The following EYS variants were observed in gnomAD, a reference collection of about 807,000 sequenced individuals.
EYS encodes EGF-like photoreceptor maintenance factor, also known as protein eyes shut homolog.
A neutral mutation model predicts 282.1 loss-of-function variants in EYS; 250 were observed. That is an observed-to-expected ratio of 0.89 (90% confidence interval 0.80 to 0.98). EYS has a LOEUF of 0.98. Ranked by LOEUF, EYS falls within the 50% of genes least tolerant of loss-of-function variation. The pLI, the probability that EYS is intolerant of heterozygous loss-of-function variation, is 0.00. For missense variants in EYS, 4,016 were observed against 3,709.0 expected (o/e 1.08, Z -2.15); for synonymous variants, 1,355 against 1,282.9 (o/e 1.06, Z -1.20).
intron 12 of EYS, among the ~76,000 whole-genome samples, chr6:65,191,603 T>C (rs1242942054): frequency 6.6e-6 from 1 of 151,782 alleles, no homozygotes; most frequent in African/African-American, 2.4e-5. Flanking sequence ...TTCACGGCAA[T>C]CAGCTAAACC....
chr6:65,029,041 T>G (rs1241478705), intron 13 of EYS, among the ~76,000 whole-genome samples: 1 of 152,158 alleles, frequency 6.6e-6, no homozygotes, highest in East Asian at 1.9e-4. Flanking sequence ...CTGCTGAAAT[T>G]TCCTCCTACT....
rs112934915 is a variant in EYS, at chr6:65,413,980, AT to A, written c.863-8614del. On this transcript the variant is annotated intron_variant, in intron 5 of 42. Coordinates refer to ENST00000503581, the MANE Select transcript of EYS (RefSeq NM_001142800.2). ...TTTGTGTATATAATTTGTTGCCTTCATTTAAATATAAGCTCTACTTGGGCAG... is the reference window on the plus strand; with the variant it reads ...TTTGTGTATATAATTTGTTGCCTTCATTAAATATAAGCTCTACTTGGGCAG... 2.8e-3 allele frequency among the ~76,000 whole-genome samples: 421 copies of A among 152,268 alleles called. 1 individual carries two copies. Among genetic ancestry groups the A allele is most frequent in the African/African-American group, 9.6e-3 (400 of 41,560 alleles).
intron 29 of EYS, among the ~76,000 whole-genome samples, chr6:64,313,190 G>C (rs1395945263): frequency 6.6e-6 from 1 of 152,178 alleles, no homozygotes; most frequent in Non-Finnish European, 1.5e-5. Context: ...GAACATAAAT[G>C]ACCTGATGGA....
intron 42 of EYS, among the ~76,000 whole-genome samples, chr6:63,722,033 T>C (rs913605477): frequency 6.6e-6 from 1 of 152,176 alleles, no homozygotes; most frequent in Non-Finnish European, 1.5e-5. Flanking sequence ...ACAGTTCTCA[T>C]TGAATGAATA....
At chr6:64,073,675 T>G (rs1469499185) in intron 32 of EYS, among the ~76,000 whole-genome samples, 1 of 151,838 alleles carries the variant, frequency 6.6e-6, no homozygotes, top group Non-Finnish European at 1.5e-5. Context: ...TTAAACCTTA[T>G]GGATTGAGTA....
chr6:64,405,795 C>T (rs963441730), intron 28 of EYS, among the ~76,000 whole-genome samples: 1 of 152,058 alleles, frequency 6.6e-6, no homozygotes. Context: ...TCAAGGAGAA[C>T]TACAAACCAA....
intron 12 of EYS, among the ~76,000 whole-genome samples, chr6:65,102,660 G>C (rs1774927930): frequency 6.6e-6 from 1 of 150,808 alleles, no homozygotes; most frequent in African/African-American, 2.4e-5. Context: ...TTTCAGTTCA[G>C]GCTTGATAAT....
intron 15 of EYS, among the ~76,000 whole-genome samples, chr6:64,942,835 A>AAAC (rs1554220159): frequency 6.8e-6 from 1 of 146,638 alleles, no homozygotes; most frequent in African/African-American, 2.4e-5. Flanking sequence ...TCCAAAAAAA[A>AAAC]AAAAAAAACA....
Position 63,723,991 on chromosome 6 carries a change from A to G in EYS, c.8234-2194T>C, listed in dbSNP as rs1348015922. ...GCCGGCTAATTTTTGTATTTTGGGT[A>G]GAGCGAGGTTTTACCATGTTGGCCA... On this transcript the variant is annotated intron_variant, in intron 42 of 42. Transcript: ENST00000503581. Among the ~76,000 whole-genome samples, 7 of 152,100 alleles carry G rather than the reference A, an allele frequency of 4.6e-5. No homozygotes were observed. The South Asian group carries it at 1.0e-3, about 23-fold the overall frequency.
At position 63,912,409 on chromosome 6, in the gene EYS, CT is replaced by C. The variant is rs529180488; in HGVS notation, c.7056-48052del. Among the ~76,000 whole-genome samples, 549 of 152,184 alleles carry C rather than the reference CT, an allele frequency of 3.6e-3. 2 individuals carry two copies. Among genetic ancestry groups the C allele is most frequent in the African/African-American group, 0.012 (492 of 41,524 alleles). On this transcript the variant is annotated intron_variant, in intron 35 of 42. Coordinates refer to ENST00000503581, the MANE Select transcript of EYS (RefSeq NM_001142800.2). ...GTGAAATTAATTTTAATAATATATTCTTTTTAACCCGATAGACCCCAAACAT... is the reference window on the plus strand; with the variant it reads ...GTGAAATTAATTTTAATAATATATTCTTTTAACCCGATAGACCCCAAACAT...
intron 22 of EYS, among the ~76,000 whole-genome samples, chr6:64,668,691 A>G (rs1769326302): frequency 6.6e-6 from 1 of 151,494 alleles, no homozygotes; most frequent in African/African-American, 2.4e-5. Flanking sequence ...CAGCCTCCCA[A>G]GTAGCTGGGA....
At chr6:64,175,893 T>A (rs978456118) in intron 31 of EYS, among the ~76,000 whole-genome samples, 1 of 152,086 alleles carries the variant, frequency 6.6e-6, no homozygotes, top group Non-Finnish European at 1.5e-5. Flanking sequence ...TTTTTGGAGG[T>A]TGCATTCTGG....
intron 12 of EYS, among the ~76,000 whole-genome samples, chr6:65,067,484 T>A (rs1034038205): frequency 2.0e-5 from 3 of 152,060 alleles, no homozygotes; most frequent in African/African-American, 7.2e-5. Context: ...ATACAATAAG[T>A]GTGCTTTAGA....
At chr6:64,368,905 T>A (rs985915191) in intron 29 of EYS, among the ~76,000 whole-genome samples, 1 of 152,178 alleles carries the variant, frequency 6.6e-6, no homozygotes, top group Non-Finnish European at 1.5e-5. Context: ...CTCTTTAGCT[T>A]AATTAGGTCC....
chr6:65,271,815 G>C (rs12210878), intron 12 of EYS, among the ~76,000 whole-genome samples: 1 of 151,866 alleles, frequency 6.6e-6, no homozygotes, highest in Admixed American at 6.6e-5. Context: ...AACTCCTGAC[G>C]TCAAGCGATC....
At chr6:63,944,927 T>C (rs982643253) in intron 35 of EYS, among the ~76,000 whole-genome samples, 4 of 152,020 alleles carry the variant, frequency 2.6e-5, no homozygotes, top group Non-Finnish European at 5.9e-5. Flanking sequence ...GGAGCAAGAC[T>C]CTATCTCAAA....
chr6:65,248,348 C>T (rs1003699702), intron 12 of EYS, among the ~76,000 whole-genome samples: 59 of 152,016 alleles, frequency 3.9e-4, no homozygotes. Context: ...GTAATAGTAA[C>T]AATAAGTCAT....
intron 35 of EYS, among the ~76,000 whole-genome samples, chr6:63,957,727 T>C (rs1193216722): frequency 7.1e-6 from 1 of 140,864 alleles, no homozygotes; most frequent in Non-Finnish European, 1.6e-5. Context: ...TATTCTTAAG[T>C]ACTTTCTCCA....
intron 31 of EYS, among the ~76,000 whole-genome samples, chr6:64,112,780 A>C (rs1371385758): frequency 6.9e-6 from 1 of 143,890 alleles, no homozygotes; most frequent in East Asian, 2.0e-4. Context: ...ATCTAGAATA[A>C]TATATATCTA....
Sources: gnomAD v4.1 joint callset for allele counts (sites outside exome capture counted in the v4.1 genomes callset) on GRCh38, gnomAD v4.1.1 for gene constraint, MANE v1.5 for transcripts, NCBI Gene and HGNC (gene_info 2026-07-23, HGNC 2026-07-21) for gene names.